RPH3A: variants seen among roughly 807,000 people sequenced by gnomAD.
RPH3A encodes rabphilin 3A.
RPH3A carries 48 observed loss-of-function variants against 102.2 expected under a neutral mutation model. That is an observed-to-expected ratio of 0.47 (90% CI 0.37 to 0.60). The LOEUF is 0.60. Among genes scored for constraint, RPH3A ranks in the 20% least tolerant of loss-of-function variants. The pLI, the probability that RPH3A is intolerant of heterozygous loss-of-function variation, is 0.00. For synonymous variants in RPH3A, 310 were observed against 324.3 expected, an observed-to-expected ratio of 0.96 and a Z score of 0.47; for missense variants, 781 against 910.1, an observed-to-expected ratio of 0.86 and a Z score of 1.83.
At chr12:112,597,556 C>G (rs2039526883) in intron 1 of RPH3A, among the ~76,000 whole-genome samples, 1 of 152,074 alleles carries the variant, frequency 6.6e-6, no homozygotes, top group East Asian at 1.9e-4. Flanking sequence ...GTGGTTGTGC[C>G]TTGGCGATGG....
chr12:112,816,299 C>T (rs1470530801), intron 2 of RPH3A, among the ~76,000 whole-genome samples: 2 of 152,140 alleles, frequency 1.3e-5, no homozygotes, highest in Non-Finnish European at 2.9e-5. Flanking sequence ...TCAAATAAGA[C>T]GTTGCATGTG....
At chr12:112,885,719 C>T (rs111656400) in intron 16 of RPH3A, among the ~76,000 whole-genome samples, 1 of 151,884 alleles carries the variant, frequency 6.6e-6, no homozygotes, top group Non-Finnish European at 1.5e-5. Context: ...AAATAAATGT[C>T]TTTTTTAATC....
chr12:112,811,528 A>AC (rs34419577), intron 2 of RPH3A, among the ~76,000 whole-genome samples: 4,046 of 133,416 alleles, frequency 0.03, 81 homozygotes, highest in Middle Eastern at 0.041. Flanking sequence ...ACTAAATAGA[A>AC]CCCCCCCCCC....
rs2042257318 is a variant in RPH3A at position 112,847,880 on chromosome 12, G to A, written c.230+38G>A. 1.9e-6 allele frequency: 3 copies of A among 1,605,496 alleles called. No individual in the cohort carries two copies. The East Asian group carries it at 6.7e-5, about 36-fold the overall frequency. On this transcript the variant is annotated intron_variant, in intron 5 of 21. Coordinates refer to ENST00000389385, the MANE Select transcript of RPH3A (RefSeq NM_001143854.2). ...GCTTCCCATTCACCCCAGAGCTGCTGTGGCAGGAGGGTGTGCTGGGCTGGA... is the reference window on the plus strand; with the variant it reads ...GCTTCCCATTCACCCCAGAGCTGCTATGGCAGGAGGGTGTGCTGGGCTGGA...
chr12:112,861,731 C>T (rs541245468), intron 5 of RPH3A, among the ~76,000 whole-genome samples: 12 of 152,196 alleles, frequency 7.9e-5, no homozygotes, highest in Admixed American at 6.5e-4. Context: ...AGAATATCCC[C>T]GGCTGGGTGC....
At chr12:112,646,266 C>T (rs576883799) in intron 1 of RPH3A, among the ~76,000 whole-genome samples, 58 of 152,158 alleles carry the variant, frequency 3.8e-4, no homozygotes, top group Non-Finnish European at 7.4e-4. Context: ...GACAACTTCA[C>T]CAAGACCAAC....
At chr12:112,885,774 C>G (rs748853092) in intron 16 of RPH3A, among the ~76,000 whole-genome samples, 3 of 152,168 alleles carry the variant, frequency 2.0e-5, no homozygotes, top group Non-Finnish European at 2.9e-5. Context: ...AAATTATACT[C>G]TTTTCACTAT....
intron 1 of RPH3A, chr12:112,617,871 G>GTTA (rs72520331): frequency 6.6e-6 from 1 of 152,074 alleles, no homozygotes; most frequent in Non-Finnish European, 1.5e-5. Flanking sequence ...AGCCTGAGTT[G>GTTA]TCTTTTTTAC....
chr12:112,636,201 A>G (rs2039847513), intron 1 of RPH3A, among the ~76,000 whole-genome samples: 1 of 152,196 alleles, frequency 6.6e-6, no homozygotes, highest in South Asian at 2.1e-4. Flanking sequence ...CTGCCATCAC[A>G]TGTGCATTCC....
intron 1 of RPH3A, among the ~76,000 whole-genome samples, chr12:112,742,095 C>CT (rs757950756): frequency 1.8e-4 from 28 of 152,220 alleles, no homozygotes; most frequent in Middle Eastern, 3.4e-3. Context: ...AACTTTAATT[C>CT]TTTAAGAGCT....
At chr12:112,826,461 A>G (rs1565903578) in intron 2 of RPH3A, among the ~76,000 whole-genome samples, 1 of 152,204 alleles carries the variant, frequency 6.6e-6, no homozygotes, top group Non-Finnish European at 1.5e-5. Context: ...GGAAGGCCAT[A>G]AAGTACACAC....
chr12:112,895,744 T>C, intron 20 of RPH3A, 33 bp from the exon 21 acceptor site: 2 of 1,497,510 alleles, frequency 1.3e-6, no homozygotes, highest in Non-Finnish European at 1.9e-6. Context: ...TTCAGAGGGC[T>C]CTTACCCACA....
At chr12:112,720,150 G>A (rs551350117) in intron 1 of RPH3A, among the ~76,000 whole-genome samples, 1 of 152,360 alleles carries the variant, frequency 6.6e-6, no homozygotes, top group Non-Finnish European at 1.5e-5. Flanking sequence ...CCCCATGATT[G>A]GCAGTGAGAC....
At chr12:112,608,109 CTTTCTT>C (rs1399327042) in intron 1 of RPH3A, among the ~76,000 whole-genome samples, 9 of 151,318 alleles carry the variant, frequency 5.9e-5, no homozygotes, top group African/African-American at 1.5e-4. Flanking sequence ...TCCTCCTCCT[CTTTCTT>C]TTTCTTTTTT....
chr12:112,880,948 T>C (rs919665977), intron 14 of RPH3A, among the ~76,000 whole-genome samples: 4 of 152,162 alleles, frequency 2.6e-5, no homozygotes, highest in Non-Finnish European at 4.4e-5. Context: ...GGTCTTCATG[T>C]TGAGTAGGCT....
At chr12:112,825,979 G>T (rs756442069) in intron 2 of RPH3A, among the ~76,000 whole-genome samples, 1 of 152,086 alleles carries the variant, frequency 6.6e-6, no homozygotes, top group African/African-American at 2.4e-5. Flanking sequence ...TGCAGGATGT[G>T]CAGGTCTGTC....
intron 4 of RPH3A, among the ~76,000 whole-genome samples, chr12:112,840,977 C>T (rs1269061178): frequency 4.6e-5 from 7 of 151,662 alleles, no homozygotes; most frequent in Admixed American, 3.9e-4. Context: ...CATTTTAAGC[C>T]AGTGATGGGC....
chr12:112,877,286 G>T (rs908038746), intron 13 of RPH3A, among the ~76,000 whole-genome samples: 7 of 152,028 alleles, frequency 4.6e-5, no homozygotes, highest in African/African-American at 1.5e-4. Flanking sequence ...TCTTCTAAAA[G>T]TAATTTATTA....
At chr12:112,872,355 G>A (rs1430151270) in intron 10 of RPH3A, among the ~76,000 whole-genome samples, 1 of 152,160 alleles carries the variant, frequency 6.6e-6, no homozygotes, top group African/African-American at 2.4e-5. Context: ...TTTCCCTGGA[G>A]ACACAGCTAT....
Sources: gnomAD v4.1 joint callset for allele counts (sites outside exome capture counted in the v4.1 genomes callset) on GRCh38, gnomAD v4.1.1 for gene constraint, MANE v1.5 for transcripts, NCBI Gene and HGNC (gene_info 2026-07-23, HGNC 2026-07-21) for gene names.